Variants in SP4 observed in about 807,000 individuals in gnomAD.
SP4 encodes transcription factor Sp4.
A neutral mutation model predicts 72.8 loss-of-function variants in SP4; 19 were observed. That is an observed-to-expected ratio of 0.26 (90% CI 0.18 to 0.38). The LOEUF (loss-of-function observed/expected upper bound fraction) is 0.38. SP4 is among the 10% of genes least tolerant of loss of function. The probability of loss-of-function intolerance (pLI) is 1.00; values close to 1 mark genes in which losing one functional copy is unlikely to be tolerated. For synonymous variants in SP4, 395 were observed against 333.1 expected (o/e 1.19, Z -2.02); for missense variants, 1,008 against 926.3 (o/e 1.09, Z -1.14).
At chr7:21,499,880 CAGTT>C (rs1781820821) in intron 5 of SP4, among the ~76,000 whole-genome samples, 3 of 152,230 alleles carry the variant, frequency 2.0e-5, no homozygotes, top group Admixed American at 6.5e-5. Flanking sequence ...AGAACTCTGA[CAGTT>C]AGATAACTGA....
chr7:21,506,270 A>G (rs2128417042), intron 5 of SP4, among the ~76,000 whole-genome samples: 1 of 152,290 alleles, frequency 6.6e-6, no homozygotes, highest in East Asian at 1.9e-4. Context: ...GTATCAACCA[A>G]AAATGTCACT....
intron 3 of SP4, among the ~76,000 whole-genome samples, chr7:21,441,838 G>C (rs1023354618): frequency 6.6e-6 from 1 of 152,080 alleles, no homozygotes; most frequent in Non-Finnish European, 1.5e-5. Context: ...CTTTTCCCCT[G>C]CTCTGTATCA....
At chr7:21,467,803 A>G (rs1028323361) in intron 3 of SP4, among the ~76,000 whole-genome samples, 1 of 151,936 alleles carries the variant, frequency 6.6e-6, no homozygotes, top group African/African-American at 2.4e-5. Context: ...ACTGCCCCCC[A>G]TGGCAAGTTT....
At chr7:21,466,536 C>T (rs1784173283) in intron 3 of SP4, among the ~76,000 whole-genome samples, 1 of 152,150 alleles carries the variant, frequency 6.6e-6, no homozygotes, top group African/African-American at 2.4e-5. Flanking sequence ...GTTCTACTTT[C>T]GGCTCTACTA....
intron 5 of SP4, among the ~76,000 whole-genome samples, chr7:21,500,790 C>T (rs773418191): frequency 2.9e-4 from 44 of 152,176 alleles, no homozygotes; most frequent in African/African-American, 4.1e-4. Context: ...GATTACATTA[C>T]GCACTACTGG....
intron 5 of SP4, among the ~76,000 whole-genome samples, chr7:21,492,711 C>G (rs1405747204): frequency 2.6e-5 from 4 of 152,286 alleles, no homozygotes; most frequent in Middle Eastern, 3.4e-3. Context: ...ATAAATTATA[C>G]TAATCCAAAG....
intron 3 of SP4, among the ~76,000 whole-genome samples, chr7:21,475,686 A>G (rs191753680): frequency 1.3e-5 from 2 of 152,086 alleles, no homozygotes; most frequent in Non-Finnish European, 2.9e-5. Context: ...GATGGTCTCG[A>G]TCTCCTGACC....
chr7:21,446,362 C>T (rs1783427209), intron 3 of SP4, among the ~76,000 whole-genome samples: 1 of 151,880 alleles, frequency 6.6e-6, no homozygotes, highest in African/African-American at 2.4e-5. Flanking sequence ...GTAGTGGTAA[C>T]TATGTATAAT....
At chr7:21,456,092 C>T (rs1437743067) in intron 3 of SP4, among the ~76,000 whole-genome samples, 1 of 152,136 alleles carries the variant, frequency 6.6e-6, no homozygotes, top group East Asian at 1.9e-4. Context: ...AACAGCAGCC[C>T]TTGGATTTGA....
rs565445686 is a variant in SP4 at position 21,433,681 on chromosome 7, C to T, written c.1678+2838C>T. 2.0e-5 allele frequency among the ~76,000 whole-genome samples: 3 copies of T among 152,320 alleles called. No homozygotes were observed. In the South Asian group the frequency reaches 6.2e-4, roughly 32 times the overall value. On this transcript the variant is annotated intron_variant, in intron 3 of 5. Transcript: ENST00000222584. ...GTGGGCCGGGTGCAGTGGCACACGC[C>T]TGTAATCCCAGTACTTTGGGAGGTC...
Position 21,481,928 on chromosome 7 carries a change from A to C in SP4, c.1912A>C (p.Ser638Arg). ...PNCREGEGRG[S>R]NEPGKKKQHI... ...TTCGGTTTTTGTTTTTGCTAGAGGC[A>C]GTAATGAACCAGGAAAAAAGAAGCA... Residue 638 changes from serine to arginine, a missense_variant, in exon 5 of 6, where the codon AGT (serine) becomes CGT (arginine). This residue lies in a region of SP4 where 893 missense variants were observed against 743.3 expected (regional missense o/e 1.20). Transcript: ENST00000222584. The C allele has an allele frequency of 1.9e-6, 3 of 1,613,238 alleles. No homozygotes were observed. In the South Asian group the frequency reaches 3.3e-5, roughly 18 times the overall value.
At chr7:21,498,419 G>T (rs1781779307) in intron 5 of SP4, among the ~76,000 whole-genome samples, 1 of 152,102 alleles carries the variant, frequency 6.6e-6, no homozygotes, top group African/African-American at 2.4e-5. Flanking sequence ...TTACCCCCAG[G>T]TAAATGATAC....
chr7:21,430,363 G>T lies in SP4; in HGVS notation c.1198G>T (p.Gly400Cys). 6.2e-7 allele frequency: 1 copy of T among 1,614,154 alleles called. No individual in the cohort carries two copies. ...TTCTCTTCAGCAGGTGCAAATTGTA[G>T]GCCAACCTATCTTACAGCAGATCCA... is the stretch of plus-strand genomic sequence containing the variant. ...SNSLQQVQIV[G>C]QPILQQIQIQ... The change falls in exon 3 of 6, where the codon GGC becomes TGC. Residue 400 changes from glycine to cysteine, a missense_variant. By Grantham distance (159) the Gly-to-Cys change is radical. Around this residue, in one of 3 missense-constraint regions of SP4, gnomAD observed 893 missense variants for 743.3 expected, o/e 1.20. Transcript: ENST00000222584.
chr7:21,473,614 G>C (rs1387493196), intron 3 of SP4, among the ~76,000 whole-genome samples: 1 of 152,196 alleles, frequency 6.6e-6, no homozygotes. Context: ...GTGATATATT[G>C]AGGGGAGCTT....
chr7:21,478,860 A>G (rs977377690), intron 4 of SP4, among the ~76,000 whole-genome samples: 1 of 152,166 alleles, frequency 6.6e-6, no homozygotes, highest in African/African-American at 2.4e-5. Flanking sequence ...ACCTGAGGTC[A>G]GGAGTTCAAG....
At chr7:21,475,624 C>T (rs965154341) in intron 3 of SP4, among the ~76,000 whole-genome samples, 15 of 151,304 alleles carry the variant, frequency 9.9e-5, no homozygotes, top group African/African-American at 2.7e-4. Flanking sequence ...CCACCACGCC[C>T]GGCTAATTTT....
intron 3 of SP4, among the ~76,000 whole-genome samples, chr7:21,445,258 A>G (rs937519888): frequency 2.6e-5 from 4 of 152,150 alleles, no homozygotes; most frequent in Non-Finnish European, 4.4e-5. Context: ...AAAAGAATAT[A>G]CCTTGTAAGG....
At chr7:21,468,668 A>G (rs554742290) in intron 3 of SP4, among the ~76,000 whole-genome samples, 1 of 152,102 alleles carries the variant, frequency 6.6e-6, no homozygotes, top group East Asian at 1.9e-4. Context: ...TAAGTAATAT[A>G]ATTATATCTT....
At chr7:21,484,391 G>A (rs1784761449) in intron 5 of SP4, among the ~76,000 whole-genome samples, 1 of 151,892 alleles carries the variant, frequency 6.6e-6, no homozygotes, top group South Asian at 2.1e-4. Flanking sequence ...TCTACTTGTG[G>A]GATCGTGTCA....
Sources: allele counts gnomAD v4.1 joint callset (sites outside exome capture counted in the v4.1 genomes callset), GRCh38; gene constraint gnomAD v4.1.1; regional missense constraint gnomAD v4.1.1; transcripts MANE v1.5; gene names NCBI Gene and HGNC (gene_info 2026-07-23, HGNC 2026-07-21).